Variants in EFHB observed in about 807,000 individuals in gnomAD.
EFHB encodes EF-hand domain-containing family member B.
Under a neutral mutation model 87.2 loss-of-function variants are expected in EFHB, and 91 were observed. That is an observed-to-expected ratio of 1.04 (90% CI 0.88 to 1.24). The LOEUF (loss-of-function observed/expected upper bound fraction) is 1.24. Among genes scored for constraint, EFHB ranks in the 50% most tolerant of loss-of-function variants. The probability of loss-of-function intolerance (pLI) is 0.00; values close to 1 mark genes in which losing one functional copy is unlikely to be tolerated. For synonymous variants in EFHB, 325 were observed against 333.6 expected, an observed-to-expected ratio of 0.97 and a Z score of 0.28; for missense variants, 1,084 against 998.8, an observed-to-expected ratio of 1.09 and a Z score of -1.15.
upstream of EFHB, among the ~76,000 whole-genome samples, chr3:19,935,537 C>G (rs370863839): frequency 1.9e-4 from 29 of 151,840 alleles, no homozygotes; most frequent in African/African-American, 6.8e-4. Flanking sequence ...CATCGCGAAA[C>G]CCTGTCTCTA....
At chr3:19,902,625 T>C (rs1694710701) in intron 6 of EFHB, among the ~76,000 whole-genome samples, 1 of 151,958 alleles carries the variant, frequency 6.6e-6, no homozygotes, top group South Asian at 2.1e-4. Context: ...GTGCTGGGAT[T>C]ACAGGCATGA....
chr3:19,883,482 G>C (rs1020476136), intron 11 of EFHB, among the ~76,000 whole-genome samples: 17 of 152,112 alleles, frequency 1.1e-4, no homozygotes, highest in African/African-American at 3.6e-4. Flanking sequence ...CCAAGGATGT[G>C]ATCTTGATCA....
At position 19,926,754 on chromosome 3, in the gene EFHB, G is replaced by A. The variant is rs919023363; in HGVS notation, c.790-6187C>T. Among the ~76,000 whole-genome samples, 6 of 150,588 alleles carry A rather than the reference G, an allele frequency of 4.0e-5. No homozygotes were observed. The Middle Eastern group carries it at 0.011, about 277-fold the overall frequency. On this transcript the variant is annotated intron_variant, in intron 1 of 12. Coordinates refer to ENST00000295824, the MANE Select transcript of EFHB (RefSeq NM_144715.4). ...CAGCTCACAGCAACCTCCGCCTCCC[G>A]GGCTCAAGTGATTCACCCACCTCAG... is the stretch of plus-strand genomic sequence containing the variant.
intron 9 of EFHB, among the ~76,000 whole-genome samples, chr3:19,889,283 A>G (rs1343077711): frequency 2.0e-5 from 3 of 152,200 alleles, no homozygotes; most frequent in Non-Finnish European, 4.4e-5. Flanking sequence ...AGAGCACACA[A>G]TGTTCGTTAA....
At chr3:19,922,468 A>C (rs930195907) in intron 1 of EFHB, among the ~76,000 whole-genome samples, 1 of 152,234 alleles carries the variant, frequency 6.6e-6, no homozygotes, top group Non-Finnish European at 1.5e-5. Context: ...TTTTGTAGCC[A>C]GAAACATCAA....
intron 5 of EFHB, among the ~76,000 whole-genome samples, chr3:19,907,011 CA>C (rs113059733): frequency 0.03 from 4,525 of 150,646 alleles, 217 homozygotes; most frequent in African/African-American, 0.1. Context: ...TTTCCACATG[CA>C]ACACCATACA....
At chr3:19,909,704 G>A (rs776690686) in intron 5 of EFHB, among the ~76,000 whole-genome samples, 1 of 152,018 alleles carries the variant, frequency 6.6e-6, no homozygotes, top group Non-Finnish European at 1.5e-5. Context: ...GAGAGGAGAG[G>A]GAAGAGCAGG....
intron 8 of EFHB, among the ~76,000 whole-genome samples, chr3:19,897,271 A>G (rs1305211055): frequency 6.6e-6 from 1 of 152,232 alleles, no homozygotes; most frequent in Non-Finnish European, 1.5e-5. Flanking sequence ...TAAAAATTAA[A>G]TTATCTACCC....
chr3:19,920,215 T>C (rs1406748040), intron 2 of EFHB, among the ~76,000 whole-genome samples: 3 of 152,196 alleles, frequency 2.0e-5, no homozygotes, highest in African/African-American at 7.2e-5. Context: ...ATATTTTAAA[T>C]GTTGTATTTA....
intron 8 of EFHB, among the ~76,000 whole-genome samples, chr3:19,897,601 A>T (rs1488611412): frequency 6.6e-6 from 1 of 152,180 alleles, no homozygotes; most frequent in African/African-American, 2.4e-5. Flanking sequence ...TTGATGAAAG[A>T]TGTCCTATGT....
At chr3:19,916,522 A>T (rs1470046319) in intron 4 of EFHB, among the ~76,000 whole-genome samples, 2 of 151,950 alleles carry the variant, frequency 1.3e-5, no homozygotes, top group African/African-American at 4.8e-5. Context: ...CTCAAAAAAA[A>T]AATTAATTCA....
At chr3:19,884,342 G>A (rs1431145833) in intron 11 of EFHB, 61 bp downstream of exon 11, 1 of 1,476,786 alleles carries the variant, frequency 6.8e-7, no homozygotes. Context: ...AGGGGACAAT[G>A]CAAGGACAGA....
At chr3:19,936,081 C>G, upstream of EFHB, 1 of 1,294,366 alleles carries the variant, frequency 7.7e-7, no homozygotes, top group Non-Finnish European at 9.8e-7. Context: ...CTACAAAAAC[C>G]CCTTAAAATC....
intron 5 of EFHB, among the ~76,000 whole-genome samples, chr3:19,913,703 GT>G (rs1036501523): frequency 1.2e-4 from 19 of 152,108 alleles, no homozygotes; most frequent in African/African-American, 3.9e-4. Context: ...ATCCTAAAGT[GT>G]ATATGAAACC....
In EFHB at chr3:19,898,748, G is replaced by GT. The variant is rs576966448; in HGVS notation, c.1570+29dup. 1.3e-4 allele frequency: 205 copies of GT among 1,608,568 alleles called. 1 individual carries two copies. In the South Asian group the frequency reaches 1.9e-3, roughly 15 times the overall value. On this transcript the variant is annotated intron_variant, in intron 8 of 12. Transcript: ENST00000295824. ...GGGATTTTGTTGCTGTTTGTTTGGGGTTTTTTACGGAGAAAGTGTGTATAT... is the reference window on the plus strand; with the variant it reads ...GGGATTTTGTTGCTGTTTGTTTGGGGTTTTTTTACGGAGAAAGTGTGTATAT...
upstream of EFHB, among the ~76,000 whole-genome samples, chr3:19,936,888 TAAATAAA>T (rs1379607731): frequency 2.1e-5 from 3 of 140,528 alleles, no homozygotes; most frequent in Non-Finnish European, 3.0e-5. Context: ...AATAAATAAA[TAAATAAA>T]TAAATAAATA....
At chr3:19,923,638 G>T (rs1392122467) in intron 1 of EFHB, among the ~76,000 whole-genome samples, 2 of 152,176 alleles carry the variant, frequency 1.3e-5, no homozygotes, top group Non-Finnish European at 2.9e-5. Flanking sequence ...GCCTCCCAAA[G>T]GGGTGGGATT....
At chr3:19,915,824 T>A (rs1695211236) in intron 4 of EFHB, among the ~76,000 whole-genome samples, 1 of 151,492 alleles carries the variant, frequency 6.6e-6, no homozygotes, top group South Asian at 2.1e-4. Flanking sequence ...AATACAAAAA[T>A]TAGCCAGGTG....
intron 10 of EFHB, 30 bp downstream of exon 10, chr3:19,888,414 T>TA: frequency 8.3e-7 from 1 of 1,211,584 alleles, no homozygotes; most frequent in Non-Finnish European, 1.1e-6. Context: ...AAAAAAATAA[T>TA]AATTCATCAA....
Sources: gnomAD v4.1 joint callset for allele counts (sites outside exome capture counted in the v4.1 genomes callset) on GRCh38, gnomAD v4.1.1 for gene constraint, MANE v1.5 for transcripts, NCBI Gene and HGNC (gene_info 2026-07-23, HGNC 2026-07-21) for gene names.